Variants in TRIT1 observed in about 807,000 individuals in gnomAD.
TRIT1 encodes the protein tRNA dimethylallyltransferase.
A neutral mutation model predicts 51.2 loss-of-function variants in TRIT1; 43 were observed. That is an observed-to-expected ratio of 0.84 (90% CI 0.66 to 1.08). The LOEUF (loss-of-function observed/expected upper bound fraction) is 1.08. Among genes scored for constraint, TRIT1 ranks in the 50% least tolerant of loss-of-function variants. The pLI, the probability that TRIT1 is intolerant of heterozygous loss-of-function variation, is 0.00. For synonymous variants in TRIT1, 184 were observed against 203.9 expected (o/e 0.90, Z 0.83); for missense variants, 528 against 578.4 (o/e 0.91, Z 0.89).
intron 1 of TRIT1, among the ~76,000 whole-genome samples, chr1:39,864,109 C>T (rs1028863766): frequency 2.0e-5 from 3 of 152,008 alleles, no homozygotes; most frequent in Non-Finnish European, 2.9e-5. Flanking sequence ...TGGTCTCGAA[C>T]TCCTGACCTC....
At chr1:39,848,153 C>T in intron 5 of TRIT1, 56 bp from the exon 6 acceptor site, 1 of 1,327,076 alleles carries the variant, frequency 7.5e-7, no homozygotes, top group African/African-American at 1.4e-5. Flanking sequence ...CTACTATATA[C>T]TTACATGACG....
intron 5 of TRIT1, 38 bp from the exon 6 acceptor site, chr1:39,848,135 G>T (rs771524834): frequency 1.5e-5 from 22 of 1,494,598 alleles, no homozygotes; most frequent in African/African-American, 2.8e-5. Context: ...CAAGCAAGTT[G>T]TAGGTACCTA....
rs1041492013 is a variant in TRIT1, at chr1:39,841,647, C to A, written c.*97G>T. The A allele has an allele frequency of 7.8e-7, 1 of 1,289,866 alleles. No homozygotes were observed. Among genetic ancestry groups the A allele is most frequent in the Admixed American group, 2.5e-5 (1 of 39,888 alleles). 79.9% of individuals were successfully genotyped at this position (1,289,866 alleles called of 1,614,324 possible). On this transcript the variant is annotated 3_prime_UTR_variant, in exon 11 of 11. Transcript: ENST00000316891. ...GAGCTTTTCTGCTATGCAGAGAATT[C>A]CGCATAGCACTCCTTTGCCCAGACT...
In TRIT1 at chr1:39,883,320, G is replaced by A; in HGVS notation, c.172C>T (p.Gln58Ter). Reference sequence around the variant, plus strand: ...CCGGGCCAGCCGCACTGCCATACCTGCATGGAGTCAGCGCTGACGATCTCA... The same window carrying A: ...CCGGGCCAGCCGCACTGCCATACCTACATGGAGTCAGCGCTGACGATCTCA... ...GGEIVSADSMQVYEGLDIITN... is the reference protein window; with the variant it reads ...GGEIVSADSM Residue 58 changes from glutamine (Q) to a stop codon, truncating the protein, a stop_gained and splice_region_variant, in exon 1 of 11, where the codon CAG (glutamine) becomes TAG (stop). Coordinates refer to ENST00000316891, the MANE Select transcript of TRIT1 (RefSeq NM_017646.6). LOFTEE classifies it high-confidence loss of function. 1.2e-6 allele frequency: 2 copies of A among 1,605,594 alleles called. No individual in the cohort carries two copies. Among genetic ancestry groups the A allele is most frequent in the East Asian group, 2.2e-5 (1 of 44,452 alleles).
chr1:39,869,548 C>T (rs1328193862), intron 1 of TRIT1, among the ~76,000 whole-genome samples: 1 of 152,086 alleles, frequency 6.6e-6, no homozygotes, highest in Non-Finnish European at 1.5e-5. Context: ...CGAGGAGTGT[C>T]TCTGCCTGGC....
chr1:39,880,868 T>G (rs982005093), intron 1 of TRIT1, among the ~76,000 whole-genome samples: 1 of 151,592 alleles, frequency 6.6e-6, no homozygotes, highest in Admixed American at 6.6e-5. Flanking sequence ...CGAGACATAA[T>G]AGCTACTATA....
chr1:39,872,909 A>G (rs1643927147), intron 1 of TRIT1, among the ~76,000 whole-genome samples: 1 of 152,060 alleles, frequency 6.6e-6, no homozygotes, highest in African/African-American at 2.4e-5. Flanking sequence ...GAAAGAAAGA[A>G]AAGAAAGACT....
Position 39,841,917 on chromosome 1 carries a change from AT to A in TRIT1, c.1235-5del. 6.2e-7 allele frequency: 1 copy of A among 1,601,308 alleles called. No individual in the cohort carries two copies. Among genetic ancestry groups the A allele is most frequent in the South Asian group, 1.1e-5 (1 of 88,030 alleles). ...TGGGATTTGGATTTTATGTGCGCTG[AT>A]AAGACAAAATCAAACCAAACAAACA... On this transcript the variant is annotated splice_region_variant and splice_polypyrimidine_tract_variant and intron_variant, in intron 10 of 10. Coordinates refer to ENST00000316891, the MANE Select transcript of TRIT1 (RefSeq NM_017646.6).
intron 1 of TRIT1, 75 bp from the exon 2 acceptor site, chr1:39,857,492 G>T: frequency 1.3e-6 from 2 of 1,525,312 alleles, no homozygotes; most frequent in South Asian, 1.2e-5. Context: ...TAGAAATTTT[G>T]ATCTATTTCT....
chr1:39,841,657 C>T lies in TRIT1; in HGVS notation c.*87G>A, dbSNP rs768103035. 1 of 1,379,372 alleles carries T rather than the reference C, an allele frequency of 7.2e-7. No individual in the cohort carries two copies. Among genetic ancestry groups the T allele is most frequent in the Admixed American group, 2.4e-5 (1 of 41,012 alleles). 85.4% of individuals were successfully genotyped at this position (1,379,372 alleles called of 1,614,324 possible). On this transcript the variant is annotated 3_prime_UTR_variant, in exon 11 of 11. Coordinates refer to ENST00000316891, the MANE Select transcript of TRIT1 (RefSeq NM_017646.6). ...GCTATGCAGAGAATTCCGCATAGCA[C>T]TCCTTTGCCCAGACTGGGAGACAAA...
intron 1 of TRIT1, among the ~76,000 whole-genome samples, chr1:39,874,726 C>T (rs982719341): frequency 6.6e-5 from 10 of 151,178 alleles, no homozygotes; most frequent in Non-Finnish European, 1.2e-4. Flanking sequence ...AGTGCAATGG[C>T]GTGATCTCGG....
chr1:39,872,861 GA>G (rs558564570), intron 1 of TRIT1, among the ~76,000 whole-genome samples: 24 of 150,074 alleles, frequency 1.6e-4, no homozygotes, highest in African/African-American at 4.9e-4. Flanking sequence ...GGAGGGGAAG[GA>G]AAAGGAAGGA....
intron 2 of TRIT1, among the ~76,000 whole-genome samples, chr1:39,854,337 A>G (rs1348730660): frequency 6.6e-6 from 1 of 152,152 alleles, no homozygotes; most frequent in Non-Finnish European, 1.5e-5. Flanking sequence ...CTAAAAGTCA[A>G]AGTTTTATTA....
chr1:39,857,428 G>T lies in TRIT1; in HGVS notation c.175-11C>A. Reference sequence around the variant, plus strand: ...TAGGCCTTCATAGACCTAGGGGAAAGAAAATTAACATGAGAAAGTCAACCA... The same window carrying T: ...TAGGCCTTCATAGACCTAGGGGAAATAAAATTAACATGAGAAAGTCAACCA... On this transcript the variant is annotated splice_polypyrimidine_tract_variant and intron_variant, in intron 1 of 10. Coordinates refer to ENST00000316891, the MANE Select transcript of TRIT1 (RefSeq NM_017646.6). 6.2e-7 allele frequency: 1 copy of T among 1,605,558 alleles called. No individual in the cohort carries two copies.
chr1:39,868,644 C>CA (rs60152365), intron 1 of TRIT1, among the ~76,000 whole-genome samples: 35,009 of 89,570 alleles, frequency 0.39, 5,931 homozygotes, highest in African/African-American at 0.54. Context: ...AACTTCCTCT[C>CA]AAAAAAAAAA....
At chr1:39,857,493 A>T in intron 1 of TRIT1, 76 bp from the exon 2 acceptor site, 2 of 1,525,804 alleles carry the variant, frequency 1.3e-6, no homozygotes, top group Non-Finnish European at 1.8e-6. Context: ...AGAAATTTTG[A>T]TCTATTTCTC....
At chr1:39,853,684 T>C (rs903388229) in intron 3 of TRIT1, among the ~76,000 whole-genome samples, 1 of 152,202 alleles carries the variant, frequency 6.6e-6, no homozygotes, top group Non-Finnish European at 1.5e-5. Context: ...AGTGCTGGGA[T>C]TACAGGTGTG....
intron 2 of TRIT1, among the ~76,000 whole-genome samples, chr1:39,856,831 C>T (rs1217631373): frequency 2.0e-5 from 3 of 152,038 alleles, no homozygotes; most frequent in Non-Finnish European, 2.9e-5. Flanking sequence ...GATAGAAAAC[C>T]GAAGCTCAGT....
At chr1:39,866,730 G>C (rs557771405) in intron 1 of TRIT1, among the ~76,000 whole-genome samples, 3 of 152,132 alleles carry the variant, frequency 2.0e-5, no homozygotes, top group Non-Finnish European at 2.9e-5. Flanking sequence ...CCAACACCTT[G>C]GGAGGCCAAG....
Sources: allele counts gnomAD v4.1 joint callset (sites outside exome capture counted in the v4.1 genomes callset), GRCh38; gene constraint gnomAD v4.1.1; transcripts MANE v1.5; gene names NCBI Gene and HGNC (gene_info 2026-07-23, HGNC 2026-07-21).